PCDHGA1: variants seen among roughly 807,000 people sequenced by gnomAD.
The protein encoded by PCDHGA1 is protocadherin gamma-A1.
A neutral mutation model predicts 58.0 loss-of-function variants in PCDHGA1; 32 were observed. The ratio of observed to expected loss-of-function variants is 0.55; its 90% confidence interval spans 0.42 to 0.74. The LOEUF is 0.74. Among genes scored for constraint, PCDHGA1 ranks in the 30% least tolerant of loss-of-function variants. The pLI is 0.00. For missense variants in PCDHGA1, 1,205 were observed against 1,182.3 expected (o/e 1.02, Z -0.28); for synonymous variants, 498 against 501.1 (o/e 0.99, Z 0.08).
Position 141,366,562 on chromosome 5 carries a change from T to A in PCDHGA1, c.2421+33457T>A, listed in dbSNP as rs767375100. 15 of 1,614,112 alleles carry A rather than the reference T, an allele frequency of 9.3e-6. No homozygotes were observed. The East Asian group carries it at 2.0e-4, about 22-fold the overall frequency. On this transcript the variant is annotated intron_variant, in intron 1 of 3. Transcript: ENST00000517417. Reference sequence around the variant, plus strand: ...CCGCCTCGCACTTTGTGGGCGTGGATGGGGTTCGGGCTTTCCTGCAGACCT... The same window carrying A: ...CCGCCTCGCACTTTGTGGGCGTGGAAGGGGTTCGGGCTTTCCTGCAGACCT...
chr5:141,352,512 G>A, intron 1 of PCDHGA1: 7 of 1,614,006 alleles, frequency 4.3e-6, no homozygotes, highest in Non-Finnish European at 5.9e-6. Context: ...TACAATCTAT[G>A]TATTGCCTCT....
rs1303712746 is a variant in PCDHGA1 at position 141,512,800 on chromosome 5, C to G, written c.*1627C>G. The G allele has an allele frequency of 1.3e-5, 2 of 152,238 alleles. No homozygotes were observed. Among genetic ancestry groups the G allele is most frequent in the African/African-American group, 4.8e-5 (2 of 41,434 alleles). The allele number at this position is 152,238 out of a possible 1,614,324, so 9.4% of individuals were successfully genotyped here. A position where few individuals can be genotyped will look rare whatever the true frequency, so the allele number is the denominator to read the frequency against. On this transcript the variant is annotated 3_prime_UTR_variant, in exon 4 of 4. Coordinates refer to ENST00000517417, the MANE Select transcript of PCDHGA1 (RefSeq NM_018912.3). Reference sequence around the variant, plus strand: ...GCCCGTGTTGTGTTTTGTGCTGTGTCCACGCGCTAAGGCGACCCCCTCCCC... The same window carrying G: ...GCCCGTGTTGTGTTTTGTGCTGTGTGCACGCGCTAAGGCGACCCCCTCCCC...
chr5:141,340,606 T>C (rs761524319), intron 1 of PCDHGA1: 12 of 1,614,000 alleles, frequency 7.4e-6, no homozygotes, highest in Admixed American at 5.0e-5. Context: ...TCAGTAGCAA[T>C]GTATCATTAA....
intron 1 of PCDHGA1, chr5:141,388,947 A>T: frequency 6.2e-7 from 1 of 1,614,054 alleles, no homozygotes; most frequent in Non-Finnish European, 8.5e-7. Context: ...CAACCTAATT[A>T]TGGAGGACGC....
intron 1 of PCDHGA1, chr5:141,351,135 C>A: frequency 6.2e-7 from 1 of 1,614,038 alleles, no homozygotes; most frequent in South Asian, 1.1e-5. Flanking sequence ...AATCTCAATC[C>A]AAATACTGGC....
intron 1 of PCDHGA1, chr5:141,365,072 A>G: frequency 6.2e-7 from 1 of 1,613,904 alleles, no homozygotes; most frequent in Middle Eastern, 1.6e-4. Context: ...ATCCGAGTAC[A>G]GCGTGAGTGT....
intron 1 of PCDHGA1, chr5:141,377,439 GA>G (rs1279056265): frequency 3.3e-5 from 5 of 151,486 alleles, no homozygotes; most frequent in Non-Finnish European, 2.9e-5. Flanking sequence ...CTACCAAAAA[GA>G]AAAAAAAGTA....
At chr5:141,380,618 G>A (rs531927290) in intron 1 of PCDHGA1, among the ~76,000 whole-genome samples, 15 of 152,210 alleles carry the variant, frequency 9.9e-5, no homozygotes, top group South Asian at 4.1e-4. Flanking sequence ...TATGATGTTC[G>A]ATAACTTAGA....
intron 2 of PCDHGA1, among the ~76,000 whole-genome samples, chr5:141,503,611 A>AG (rs992110793): frequency 6.6e-6 from 1 of 151,948 alleles, no homozygotes; most frequent in Non-Finnish European, 1.5e-5. Flanking sequence ...AAAAAAAAAA[A>AG]AAAGAAAAAA....
Position 141,476,793 on chromosome 5 carries a change from C to T in PCDHGA1, c.2422-18014C>T, listed in dbSNP as rs754785656. ...GACGGAGGGACCCCAGCTCTCTCCG[C>T]CAGCCTGCCTATTCACATCAAGGTG... On this transcript the variant is annotated intron_variant, in intron 1 of 3. Transcript: ENST00000517417. The surrounding 1 kb of genome is among the most constrained non-coding windows in gnomAD (Gnocchi z 7.6). 1.2e-6 allele frequency: 2 copies of T among 1,613,642 alleles called. No homozygotes were observed. The highest frequency in any genetic ancestry group is 2.2e-5 in the East Asian group (1 of 44,868).
chr5:141,370,168 C>G (rs890245618), intron 1 of PCDHGA1: 7 of 458,078 alleles, frequency 1.5e-5, no homozygotes, highest in Non-Finnish European at 2.7e-5. Context: ...GCAGCAGAGG[C>G]GCCGGGTGCC....
chr5:141,350,590 A>G lies in PCDHGA1; in HGVS notation c.2421+17485A>G, dbSNP rs1362989593. On this transcript the variant is annotated intron_variant, in intron 1 of 3. Transcript: ENST00000517417. The stretch of plus-strand genomic sequence containing the variant: ...AATTCGAAACGGTCGCTGAAAACCC[A>G]ATGAATGTTTTCCACGTGGTTGTTG... The G allele has an allele frequency of 3.7e-6, 6 of 1,613,902 alleles. No homozygotes were observed. In the African/African-American group the frequency reaches 6.7e-5, roughly 18 times the overall value.
chr5:141,355,668 A>C, intron 1 of PCDHGA1: 2 of 1,614,018 alleles, frequency 1.2e-6, no homozygotes, highest in Non-Finnish European at 1.7e-6. Flanking sequence ...CTCTTCCTGA[A>C]GCTTTTGATC....
intron 1 of PCDHGA1, among the ~76,000 whole-genome samples, chr5:141,450,304 T>C (rs759506660): frequency 1.3e-5 from 2 of 151,906 alleles, no homozygotes; most frequent in African/African-American, 2.4e-5. Flanking sequence ...TGAGCCACCA[T>C]GTGTGGCCTA....
rs763544302 is a variant in PCDHGA1, at chr5:141,385,145, T to C, written c.2421+52040T>C. On this transcript the variant is annotated intron_variant, in intron 1 of 3. Coordinates refer to ENST00000517417, the MANE Select transcript of PCDHGA1 (RefSeq NM_018912.3). ...GTGGGCATGGACGGGGTGCAGGCTTTCCTGCAGACCTATTCCCATGAGGTC... is the reference window on the plus strand; with the variant it reads ...GTGGGCATGGACGGGGTGCAGGCTTCCCTGCAGACCTATTCCCATGAGGTC... 5.6e-6 allele frequency: 9 copies of C among 1,614,106 alleles called. No homozygotes were observed. The highest frequency in any genetic ancestry group is 7.6e-6 in the Non-Finnish European group (9 of 1,180,050).
intron 1 of PCDHGA1, chr5:141,418,636 C>G (rs564881404): frequency 6.2e-7 from 1 of 1,613,980 alleles, no homozygotes; most frequent in South Asian, 1.1e-5. Context: ...CTCCAGGCAC[C>G]TCCATCCTGA....
At chr5:141,387,707 C>A (rs1441500005) in intron 1 of PCDHGA1, 1 of 994,952 alleles carries the variant, frequency 1.0e-6, no homozygotes, top group Non-Finnish European at 1.5e-6. Flanking sequence ...CAGGGCAGCC[C>A]CAGCTCAGAC....
At chr5:141,357,582 T>C (rs748611529) in intron 1 of PCDHGA1, 1 of 1,614,204 alleles carries the variant, frequency 6.2e-7, no homozygotes, top group Admixed American at 1.7e-5. Flanking sequence ...TTCTGATAAC[T>C]CAGGATTTAC....
intron 1 of PCDHGA1, chr5:141,393,556 G>A (rs758148175): frequency 5.6e-6 from 9 of 1,613,916 alleles, no homozygotes; most frequent in East Asian, 2.2e-5. Flanking sequence ...CCGATTTACC[G>A]AGTGAAAGTC....
Sources: gnomAD v4.1 joint callset for allele counts (sites outside exome capture counted in the v4.1 genomes callset) on GRCh38, gnomAD v4.1.1 for gene constraint, Gnocchi (gnomAD v3.1) non-coding constraint, MANE v1.5 for transcripts, NCBI Gene and HGNC (gene_info 2026-07-23, HGNC 2026-07-21) for gene names.